CACNA1A: variants seen among roughly 807,000 people sequenced by gnomAD.
CACNA1A encodes calcium voltage-gated channel subunit alpha1 A.
Under a neutral mutation model 262.4 loss-of-function variants are expected in CACNA1A, and 57 were observed. The ratio of observed to expected loss-of-function variants is 0.22; its 90% CI spans 0.18 to 0.27. The LOEUF (loss-of-function observed/expected upper bound fraction) is 0.27, where lower values mean the gene tolerates loss of function less well. Among genes scored for constraint, CACNA1A ranks in the 10% least tolerant of loss-of-function variants. CACNA1A has a pLI of 1.00. For synonymous variants in CACNA1A, 1,431 were observed against 1,419.3 expected, an observed-to-expected ratio of 1.01 and a Z score of -0.18; for missense variants, 2,526 against 3,562.8, an observed-to-expected ratio of 0.71 and a Z score of 7.41.
intron 24 of CACNA1A, among the ~76,000 whole-genome samples, chr19:13,265,846 T>G (rs1031035965): frequency 2.2e-5 from 3 of 137,682 alleles, no homozygotes; most frequent in African/African-American, 8.2e-5. Context: ...TTAGATTTAC[T>G]TTTTTTTTTT....
chr19:13,318,989 A>G (rs1164303979), intron 10 of CACNA1A, among the ~76,000 whole-genome samples: 1 of 149,838 alleles, frequency 6.7e-6, no homozygotes, highest in Non-Finnish European at 1.5e-5. Flanking sequence ...CCTGGGTTCA[A>G]GCGATCCTCC....
At chr19:13,351,143 T>C (rs938421861) in intron 6 of CACNA1A, among the ~76,000 whole-genome samples, 24 of 152,210 alleles carry the variant, frequency 1.6e-4, no homozygotes, top group African/African-American at 5.5e-4. Flanking sequence ...AACTTCTATT[T>C]TCCCCTTTAC....
At position 13,506,303 on chromosome 19, in the gene CACNA1A, A is replaced by C; in HGVS notation, c.-79T>G. The C allele has an allele frequency of 1.7e-6, 2 of 1,211,144 alleles. No individual in the cohort carries two copies. Among genetic ancestry groups the C allele is most frequent in the South Asian group, 1.9e-5 (1 of 53,192 alleles). The allele number at this position is 1,211,144 out of a possible 1,614,324, so 75.0% of individuals were successfully genotyped here. ...GCCGCCGCCGCCGCCGCCGCCGCTG[A>C]TGCTGAGGCTGCCGGGGCTGGGAGC... On this transcript the variant is annotated 5_prime_UTR_variant, in exon 1 of 47. Coordinates refer to ENST00000360228, the MANE Select transcript of CACNA1A (RefSeq NM_001127222.2).
intron 1 of CACNA1A, among the ~76,000 whole-genome samples, chr19:13,480,007 A>G (rs1979074473): frequency 6.6e-6 from 1 of 152,210 alleles, no homozygotes; most frequent in African/African-American, 2.4e-5. Flanking sequence ...TCCCAAAGAG[A>G]CAGTATTTAC....
At chr19:13,282,710 T>G (rs780037671) in intron 22 of CACNA1A, among the ~76,000 whole-genome samples, 2 of 151,866 alleles carry the variant, frequency 1.3e-5, no homozygotes, top group Non-Finnish European at 2.9e-5. Context: ...GGGGGCGCAT[T>G]GTGAGGATTA....
intron 11 of CACNA1A, among the ~76,000 whole-genome samples, chr19:13,314,702 A>G (rs1046116952): frequency 1.3e-5 from 2 of 152,200 alleles, no homozygotes; most frequent in African/African-American, 4.8e-5. Context: ...GTAATTTGTT[A>G]TAGCAGTACA....
chr19:13,499,450 T>TGGGG (rs199603194), intron 1 of CACNA1A, among the ~76,000 whole-genome samples: 33 of 86,006 alleles, frequency 3.8e-4, no homozygotes, highest in Non-Finnish European at 4.4e-4. Context: ...CAGGGGGTGG[T>TGGGG]GGGGGGGGGC....
chr19:13,357,011 G>C (rs577849501), intron 6 of CACNA1A, among the ~76,000 whole-genome samples: 4 of 152,168 alleles, frequency 2.6e-5, no homozygotes, highest in Non-Finnish European at 4.4e-5. Context: ...AAATTATCAG[G>C]ATAACAGTAG....
chr19:13,473,676 A>G lies in CACNA1A; in HGVS notation c.294-18464T>C, dbSNP rs139423317. Among the ~76,000 whole-genome samples the G allele has an allele frequency of 1.9e-3, 287 of 152,226 alleles. 4 individuals are homozygous for G. Among genetic ancestry groups the G allele is most frequent in the African/African-American group, 6.7e-3 (278 of 41,540 alleles). On this transcript the variant is annotated intron_variant, in intron 1 of 46. Coordinates refer to ENST00000360228, the MANE Select transcript of CACNA1A (RefSeq NM_001127222.2). ...TGTTACAAGTTCCAGGAGGGCCAGG[A>G]GGAACCACATCTGTCCTGCCCACTG...
intron 31 of CACNA1A, among the ~76,000 whole-genome samples, chr19:13,239,225 G>A (rs145188599): frequency 0.015 from 2,271 of 151,080 alleles, 21 homozygotes; most frequent in Non-Finnish European, 0.016. Flanking sequence ...TGCCTTCTTC[G>A]GCTGTCTCCA....
intron 3 of CACNA1A, among the ~76,000 whole-genome samples, chr19:13,394,351 GA>G: frequency 6.6e-6 from 1 of 151,738 alleles, no homozygotes; most frequent in East Asian, 1.9e-4. Flanking sequence ...CTCAAAGTCA[GA>G]GGGTAAAAAG....
At chr19:13,420,257 T>C (rs1299131342) in intron 3 of CACNA1A, among the ~76,000 whole-genome samples, 1 of 151,250 alleles carries the variant, frequency 6.6e-6, no homozygotes, top group Non-Finnish European at 1.5e-5. Context: ...AAAGGCTCGC[T>C]CTCTCTCTCA....
chr19:13,474,529 A>G (rs1043636155), intron 1 of CACNA1A, among the ~76,000 whole-genome samples: 5 of 152,200 alleles, frequency 3.3e-5, no homozygotes, highest in African/African-American at 1.2e-4. Flanking sequence ...TTAAAAATGC[A>G]AAGAGTTTGC....
At chr19:13,328,700 C>G (rs2058411984) in intron 10 of CACNA1A, among the ~76,000 whole-genome samples, 1 of 152,084 alleles carries the variant, frequency 6.6e-6, no homozygotes, top group African/African-American at 2.4e-5. Context: ...GGAAACAACT[C>G]AAACACCCTA....
intron 45 of CACNA1A, 50 bp downstream of exon 45, chr19:13,209,262 C>T: frequency 7.0e-7 from 1 of 1,434,302 alleles, no homozygotes; most frequent in South Asian, 1.5e-5. Flanking sequence ...TTCTCCTCCC[C>T]TCTCCTCTCC....
At chr19:13,262,922 T>G in intron 24 of CACNA1A, 89 bp from the exon 25 acceptor site, 1 of 831,344 alleles carries the variant, frequency 1.2e-6, no homozygotes, top group Non-Finnish European at 2.0e-6. Context: ...CATGGGACCC[T>G]ACCCTCCCAG....
chr19:13,240,740 G>A (rs888242314), intron 31 of CACNA1A, among the ~76,000 whole-genome samples: 6 of 92,778 alleles, frequency 6.5e-5, no homozygotes, highest in African/African-American at 1.2e-4. Context: ...CAGTGACTGC[G>A]TGCAGCGTCT....
At chr19:13,303,458 C>T (rs2057832107) in intron 17 of CACNA1A, 88 bp downstream of exon 17, 2 of 125,420 alleles carry the variant, frequency 1.6e-5, no homozygotes, top group Admixed American at 1.6e-4. Context: ...GCCCCCACCC[C>T]CACCCCCACC....
Position 13,235,931 on chromosome 19 carries a change from G to C in CACNA1A, c.4951-201C>G, listed in dbSNP as rs544242498. ...AAAAGGAATAATGTTGGGAGAGAGA[G>C]GGTGGGAGGGAGGAAAAGGCATCAA... On this transcript the variant is annotated intron_variant, in intron 31 of 46. Coordinates refer to ENST00000360228, the MANE Select transcript of CACNA1A (RefSeq NM_001127222.2). 1.9e-5 allele frequency: 10 copies of C among 517,342 alleles called. No individual in the cohort carries two copies. The South Asian group carries it at 3.2e-4, about 17-fold the overall frequency. The allele number at this position is 517,342 out of a possible 1,614,324, so 32.0% of individuals were successfully genotyped here. A position where few individuals can be genotyped will look rare whatever the true frequency, so the allele number is the denominator to read the frequency against.
Sources: allele counts gnomAD v4.1 joint callset (sites outside exome capture counted in the v4.1 genomes callset), GRCh38; gene constraint gnomAD v4.1.1; transcripts MANE v1.5; gene names NCBI Gene and HGNC (gene_info 2026-07-23, HGNC 2026-07-21).